NFIA: variants seen among roughly 807,000 people sequenced by gnomAD.
NFIA encodes the protein nuclear factor I A.
In NFIA, 8 loss-of-function variants were observed where a neutral mutation model predicts 62.8. The observed-to-expected ratio is 0.13, with a 90% CI of 0.07 to 0.23. The LOEUF is 0.23. Ranked by LOEUF, NFIA falls within the 10% of genes least tolerant of loss-of-function variation. The pLI, the probability that NFIA is intolerant of heterozygous loss-of-function variation, is 1.00. For missense variants in NFIA, 410 were observed against 642.1 expected (o/e 0.64, Z 3.91); for synonymous variants, 235 against 238.1 (o/e 0.99, Z 0.12).
At position 61,290,723 on chromosome 1, in the gene NFIA, T is replaced by C. The variant is rs138488016; in HGVS notation, c.625+13138T>C. Among the ~76,000 whole-genome samples the C allele has an allele frequency of 4.7e-4, 72 of 152,332 alleles. 1 individual carries two copies. The East Asian group carries it at 0.012, about 25-fold the overall frequency. ...TATGTCCTTTCAATTCTAGTGGATT[T>C]GCAACACAATATCATGAAAGGCATG... On this transcript the variant is annotated intron_variant, in intron 3 of 10. Transcript: ENST00000403491.
At chr1:61,309,743 G>T (rs910817385) in intron 3 of NFIA, among the ~76,000 whole-genome samples, 3 of 152,132 alleles carry the variant, frequency 2.0e-5, no homozygotes, top group Non-Finnish European at 4.4e-5. Flanking sequence ...ACAAAAATTA[G>T]CTGGGTGTGG....
chr1:61,277,996 A>G (rs1657914009), intron 3 of NFIA, among the ~76,000 whole-genome samples: 1 of 152,038 alleles, frequency 6.6e-6, no homozygotes, highest in South Asian at 2.1e-4. Flanking sequence ...AAGATCATTC[A>G]TTCACAAGCA....
rs1180089797 is a variant in NFIA, at chr1:61,090,947, TC to T, written c.559+2268del. Among the ~76,000 whole-genome samples, 4 of 152,370 alleles carry T rather than the reference TC, an allele frequency of 2.6e-5. 1 individual carries two copies. Among genetic ancestry groups the T allele is most frequent in the South Asian group, 4.1e-4 (2 of 4,828 alleles). On this transcript the variant is annotated intron_variant, in intron 2 of 10. Transcript: ENST00000403491. The stretch of plus-strand genomic sequence containing the variant: ...GCTGCCAATACAAATATGAGGTAGA[TC>T]GGTCAACTTACATACAACTGATTTG...
At chr1:61,085,498 C>G (rs1200006880) in intron 1 of NFIA, among the ~76,000 whole-genome samples, 1 of 151,458 alleles carries the variant, frequency 6.6e-6, no homozygotes, top group Non-Finnish European at 1.5e-5. Context: ...TTTTTTTCCT[C>G]TTGAATGTTA....
At chr1:61,365,431 T>A (rs1663536393) in intron 6 of NFIA, among the ~76,000 whole-genome samples, 1 of 152,158 alleles carries the variant, frequency 6.6e-6, no homozygotes, top group Non-Finnish European at 1.5e-5. Flanking sequence ...TTAAAACAAT[T>A]CTAGATAGGT....
At chr1:61,213,527 G>A (rs1049894744) in intron 2 of NFIA, among the ~76,000 whole-genome samples, 7 of 152,222 alleles carry the variant, frequency 4.6e-5, no homozygotes, top group African/African-American at 1.7e-4. Flanking sequence ...ACTGGCACAT[G>A]GACGTGGTTT....
chr1:61,103,479 A>G lies in NFIA; in HGVS notation c.559+14799A>G, dbSNP rs1374725936. On this transcript the variant is annotated intron_variant, in intron 2 of 10. Coordinates refer to ENST00000403491, the MANE Select transcript of NFIA (RefSeq NM_001134673.4). ...ACTTGCCATTAGCACTTCCTTTATC[A>G]TAATAAAACTATTTGTCTACATCTG... is the stretch of plus-strand genomic sequence containing the variant. Among the ~76,000 whole-genome samples, 3 of 152,150 alleles carry G rather than the reference A, an allele frequency of 2.0e-5. No homozygotes were observed. The East Asian group carries it at 5.8e-4, about 29-fold the overall frequency.
chr1:61,184,218 C>T (rs1419832721), intron 2 of NFIA, among the ~76,000 whole-genome samples: 2 of 151,858 alleles, frequency 1.3e-5, no homozygotes, highest in Non-Finnish European at 2.9e-5. Flanking sequence ...CTTGCTTCTC[C>T]TGGTGTGGGT....
At chr1:61,455,141 G>C (rs942614573) in intron 10 of NFIA, among the ~76,000 whole-genome samples, 162 bp from the exon 11 acceptor site, 2 of 152,212 alleles carry the variant, frequency 1.3e-5, no homozygotes, top group Non-Finnish European at 2.9e-5. Context: ...ATCAGTTTCA[G>C]TGTCACAGGA....
rs1428935738 is a variant in NFIA, at chr1:61,301,272, G to A, written c.625+23687G>A. 2.0e-5 allele frequency among the ~76,000 whole-genome samples: 3 copies of A among 152,184 alleles called. No homozygotes were observed. The East Asian group carries it at 5.8e-4, about 29-fold the overall frequency. On this transcript the variant is annotated intron_variant, in intron 3 of 10. Coordinates refer to ENST00000403491, the MANE Select transcript of NFIA (RefSeq NM_001134673.4). ...GAAACTGAGAACCTAATACAAAAGTGTAACTCAATAAAAGTGATTCTGAGT... is the reference window on the plus strand; with the variant it reads ...GAAACTGAGAACCTAATACAAAAGTATAACTCAATAAAAGTGATTCTGAGT...
chr1:61,247,607 T>C (rs1655732912), intron 2 of NFIA, among the ~76,000 whole-genome samples: 1 of 152,146 alleles, frequency 6.6e-6, no homozygotes, highest in South Asian at 2.1e-4. Context: ...GGGAAGAAAG[T>C]AGCATTATGT....
At chr1:61,111,477 C>T (rs757449882) in intron 2 of NFIA, among the ~76,000 whole-genome samples, 5 of 152,088 alleles carry the variant, frequency 3.3e-5, no homozygotes, top group East Asian at 3.8e-4. Context: ...CAGCTGTAGA[C>T]GTTCAAATGA....
rs1646374943 is a variant in NFIA at position 61,094,342 on chromosome 1, T to G, written c.559+5662T>G. On this transcript the variant is annotated intron_variant, in intron 2 of 10. Coordinates refer to ENST00000403491, the MANE Select transcript of NFIA (RefSeq NM_001134673.4). ...ATCACAAATGGAGATACCGTAAAAG[T>G]ATTTTGGTTTCAGTAATGACTGTAA... Among the ~76,000 whole-genome samples, 3 of 152,206 alleles carry G rather than the reference T, an allele frequency of 2.0e-5. No individual in the cohort carries two copies. The South Asian group carries it at 6.2e-4, about 32-fold the overall frequency.
At chr1:61,383,386 C>A (rs759565495) in intron 7 of NFIA, 21 bp downstream of exon 7, 1 of 1,613,470 alleles carries the variant, frequency 6.2e-7, no homozygotes, top group Non-Finnish European at 8.5e-7. Context: ...CCACAGGCAC[C>A]CTTGGTTGTG....
At chr1:61,127,895 G>A (rs999351659) in intron 2 of NFIA, among the ~76,000 whole-genome samples, 1 of 152,096 alleles carries the variant, frequency 6.6e-6, no homozygotes, top group Non-Finnish European at 1.5e-5. Flanking sequence ...ATGTGGTATT[G>A]AAGAATATCT....
chr1:61,112,681 C>G (rs964333064), intron 2 of NFIA, among the ~76,000 whole-genome samples: 2 of 152,036 alleles, frequency 1.3e-5, no homozygotes, highest in African/African-American at 4.8e-5. Flanking sequence ...CATTAGCTTC[C>G]TAGAGGGTGA....
intron 2 of NFIA, among the ~76,000 whole-genome samples, chr1:61,128,569 G>T (rs1464928308): frequency 6.6e-6 from 1 of 151,998 alleles, no homozygotes; most frequent in Non-Finnish European, 1.5e-5. Flanking sequence ...CCCCAACCTG[G>T]GTGACAGAGT....
At chr1:61,096,643 C>T (rs1194053955) in intron 2 of NFIA, among the ~76,000 whole-genome samples, 1 of 148,266 alleles carries the variant, frequency 6.7e-6, no homozygotes, top group African/African-American at 2.5e-5. Flanking sequence ...ACCTCTGCCT[C>T]CTGGGTTCAA....
intron 6 of NFIA, among the ~76,000 whole-genome samples, chr1:61,380,985 G>C (rs1393361403): frequency 6.6e-6 from 1 of 151,724 alleles, no homozygotes; most frequent in Non-Finnish European, 1.5e-5. Context: ...AGAATGGCAT[G>C]AATTAGAAAA....
Sources: allele counts gnomAD v4.1 joint callset (sites outside exome capture counted in the v4.1 genomes callset), GRCh38; gene constraint gnomAD v4.1.1; transcripts MANE v1.5; gene names NCBI Gene and HGNC (gene_info 2026-07-23, HGNC 2026-07-21).